The following CST9 variants were observed in gnomAD, a reference collection of about 807,000 sequenced individuals.
CST9 encodes the protein cystatin 9, also known as cystatin-9.
In CST9, 11 loss-of-function variants were observed where a neutral mutation model predicts 7.7. The observed-to-expected ratio is 1.44, with a 90% CI of 0.90 to 2.38. The LOEUF (loss-of-function observed/expected upper bound fraction) is 2.38. Among genes scored for constraint, CST9 ranks in the 30% most tolerant of loss-of-function variants. CST9 has a pLI of 0.00. For missense variants in CST9, 214 were observed against 199.1 expected (o/e 1.07, Z -0.45); for synonymous variants, 71 against 74.3 (o/e 0.96, Z 0.23).
chr20:23,603,660 A>C lies in CST9; in HGVS notation c.330T>G (p.Ile110Met). ...QTVCRKFEDD[I>M]DNCPFQESLE... is the part of the protein sequence containing the mutation. ...GGCTTTCTTGAAAAGGGCAGTTGTCAATGTCATCTTCAAATTTCCTACATA... is the reference window on the plus strand; with the variant it reads ...GGCTTTCTTGAAAAGGGCAGTTGTCCATGTCATCTTCAAATTTCCTACATA... The change falls in exon 2 of 2, where the codon ATT (isoleucine) becomes ATG (methionine). Residue 110 changes from isoleucine to methionine, a missense_variant. By Grantham distance (10) the Ile-to-Met change is conservative. Transcript: ENST00000376971. 6.8e-6 allele frequency: 11 copies of C among 1,614,220 alleles called. No individual in the cohort carries two copies. The highest frequency in any genetic ancestry group is 9.3e-6 in the Non-Finnish European group (11 of 1,180,048).
At chr20:23,605,587 C>T (rs746941020) in intron 1 of CST9, 23 bp downstream of exon 1, 5 of 1,609,656 alleles carry the variant, frequency 3.1e-6, no homozygotes, top group Non-Finnish European at 4.2e-6. Context: ...AAGGACAGGC[C>T]AGAAGAGGAT....
Position 23,603,065 on chromosome 20 carries a change from T to A in CST9, c.*445A>T. On this transcript the variant is annotated 3_prime_UTR_variant, in exon 2 of 2. Coordinates refer to ENST00000376971, the MANE Select transcript of CST9 (RefSeq NM_001008693.3). Reference sequence around the variant, plus strand: ...GCAGTTCCCAGACTTAGGCAATTAGTTACCTATTTGTTAATCTTACAATAA... The same window carrying A: ...GCAGTTCCCAGACTTAGGCAATTAGATACCTATTTGTTAATCTTACAATAA... The A allele has an allele frequency of 9.8e-7, 1 of 1,015,750 alleles. No homozygotes were observed. Among genetic ancestry groups the A allele is most frequent in the South Asian group, 4.1e-5 (1 of 24,180 alleles). The allele number at this position is 1,015,750 out of a possible 1,614,324, so 62.9% of individuals were successfully genotyped here. A position where few individuals can be genotyped will look rare whatever the true frequency, so the allele number is the denominator to read the frequency against.
Position 23,605,745 on chromosome 20 carries a change from T to G in CST9, c.120A>C (p.Lys40Asn). ...CGAGGAACATAGGATCCTGGACTAT[T>G]TTATTATTACCACCCATTTCCTCTT... ...CSEEEMGGNN[K>N]IVQDPMFLAT... The change falls in exon 1 of 2, where the codon AAA becomes AAC. Residue 40 changes from lysine (K) to asparagine (N), a missense_variant. Lys to Asn is a moderately conservative substitution (Grantham distance 94, BLOSUM62 0). Transcript: ENST00000376971. 6.2e-7 allele frequency: 1 copy of G among 1,614,162 alleles called. No homozygotes were observed. Among genetic ancestry groups the G allele is most frequent in the Non-Finnish European group, 8.5e-7 (1 of 1,180,020 alleles).
At position 23,604,414 on chromosome 20, in the gene CST9, T is replaced by C. The variant is rs1028989039; in HGVS notation, c.256-680A>G. On this transcript the variant is annotated intron_variant, in intron 1 of 1. Coordinates refer to ENST00000376971, the MANE Select transcript of CST9 (RefSeq NM_001008693.3). ...TGGGATTGCCATATCCAGGAAGCCA[T>C]GTGGAAAGCTTTTAGGACTTACTGT... 4.6e-5 allele frequency among the ~76,000 whole-genome samples: 7 copies of C among 152,124 alleles called. 1 individual carries two copies. The highest frequency in any genetic ancestry group is 1.4e-4 in the African/African-American group (6 of 41,418).
Position 23,603,816 on chromosome 20 carries a change from G to A in CST9, c.256-82C>T, listed in dbSNP as rs116368727. On this transcript the variant is annotated intron_variant, in intron 1 of 1. Transcript: ENST00000376971. Reference sequence around the variant, plus strand: ...ACTAGTGAAGATGCCATTTGAGTAGGAGAGGCCCCAACACTTTACTGCATT... The same window carrying A: ...ACTAGTGAAGATGCCATTTGAGTAGAAGAGGCCCCAACACTTTACTGCATT... 3.1e-4 allele frequency: 430 copies of A among 1,400,380 alleles called. 3 individuals are homozygous for A. The African/African-American group carries it at 5.3e-3, about 17-fold the overall frequency. The allele number at this position is 1,400,380 out of a possible 1,614,324, so 86.7% of individuals were successfully genotyped here.
At position 23,603,375 on chromosome 20, in the gene CST9, C is replaced by T; in HGVS notation, c.*135G>A. 1.4e-6 allele frequency: 2 copies of T among 1,455,136 alleles called. No homozygotes were observed. The highest frequency in any genetic ancestry group is 2.9e-5 in the South Asian group (2 of 68,266). The allele number at this position is 1,455,136 out of a possible 1,614,324, so 90.1% of individuals were successfully genotyped here. On this transcript the variant is annotated 3_prime_UTR_variant, in exon 2 of 2. Coordinates refer to ENST00000376971, the MANE Select transcript of CST9 (RefSeq NM_001008693.3). The stretch of plus-strand genomic sequence containing the variant: ...GGCCATGTGGCCCAGGTGCAGGCAG[C>T]TGCAATGGTGTCAGAGGGCAGAATC...
At position 23,602,655 on chromosome 20, in the gene CST9, C is replaced by T. The variant is rs968897271; in HGVS notation, c.*855G>A. The T allele has an allele frequency of 1.4e-5, 14 of 982,454 alleles. No individual in the cohort carries two copies. The highest frequency in any genetic ancestry group is 1.6e-5 in the Non-Finnish European group (13 of 827,398). 60.9% of individuals were successfully genotyped at this position (982,454 alleles called of 1,614,324 possible). On this transcript the variant is annotated 3_prime_UTR_variant, in exon 2 of 2. Transcript: ENST00000376971. ...AGAGCCCCTCTGAGCAGGTCTTGTT[C>T]AGGAGTTCAAAATATGTCTTCCAGG...
chr20:23,603,469 T>C lies in CST9; in HGVS notation c.*41A>G, dbSNP rs897265452. On this transcript the variant is annotated 3_prime_UTR_variant, in exon 2 of 2. Coordinates refer to ENST00000376971, the MANE Select transcript of CST9 (RefSeq NM_001008693.3). ...CTTAATGCCTCACTGGGCTTCCCAC[T>C]AAGGCACAAGCAGGGCAGCCTGGTA... 1 of 1,605,180 alleles carries C rather than the reference T, an allele frequency of 6.2e-7. No individual in the cohort carries two copies. Among genetic ancestry groups the C allele is most frequent in the Non-Finnish European group, 8.5e-7 (1 of 1,175,174 alleles).
chr20:23,603,230 T>C lies in CST9; in HGVS notation c.*280A>G. On this transcript the variant is annotated 3_prime_UTR_variant, in exon 2 of 2. Coordinates refer to ENST00000376971, the MANE Select transcript of CST9 (RefSeq NM_001008693.3). The stretch of plus-strand genomic sequence containing the variant: ...TCTCAGCCTCCACCACTTTTGGGTC[T>C]AGGGCAGGGTAGGGAAACCCTGAGA... The C allele has an allele frequency of 1.6e-6, 2 of 1,290,158 alleles. No individual in the cohort carries two copies. The highest frequency in any genetic ancestry group is 1.8e-5 in the South Asian group (1 of 57,132). The allele number at this position is 1,290,158 out of a possible 1,614,324, so 79.9% of individuals were successfully genotyped here.
At position 23,603,361 on chromosome 20, in the gene CST9, C is replaced by T. The variant is rs1040946627; in HGVS notation, c.*149G>A. ...GAGAAGGTTCTGAAGGCCATGTGGC[C>T]CAGGTGCAGGCAGCTGCAATGGTGT... On this transcript the variant is annotated 3_prime_UTR_variant, in exon 2 of 2. Transcript: ENST00000376971. 4.8e-6 allele frequency: 7 copies of T among 1,445,848 alleles called. No individual in the cohort carries two copies. In the African/African-American group the frequency reaches 8.6e-5, roughly 18 times the overall value. 89.6% of individuals were successfully genotyped at this position (1,445,848 alleles called of 1,614,324 possible).
At chr20:23,604,091 C>T (rs760965102) in intron 1 of CST9, among the ~76,000 whole-genome samples, 1 of 152,114 alleles carries the variant, frequency 6.6e-6, no homozygotes, top group East Asian at 1.9e-4. Context: ...GCCACATGTC[C>T]GGGAGGGTGT....
At position 23,603,176 on chromosome 20, in the gene CST9, G is replaced by C; in HGVS notation, c.*334C>G. 1 of 1,136,208 alleles carries C rather than the reference G, an allele frequency of 8.8e-7. No individual in the cohort carries two copies. The highest frequency in any genetic ancestry group is 1.1e-6 in the Non-Finnish European group (1 of 924,800). The allele number at this position is 1,136,208 out of a possible 1,614,324, so 70.4% of individuals were successfully genotyped here. On this transcript the variant is annotated 3_prime_UTR_variant, in exon 2 of 2. Transcript: ENST00000376971. ...TAGAGCAGGTGCTGCAGCTCAGCAG[G>C]GCCTAGGAGCGAGGGCAGTGGGGCT... is the stretch of plus-strand genomic sequence containing the variant.
Position 23,603,569 on chromosome 20 carries a change from C to G in CST9, c.421G>C (p.Gly141Arg). Residue 141 changes from glycine (G) to arginine (R), a missense_variant, in exon 2 of 2, where the codon GGG becomes CGG. By Grantham distance (125) the Gly-to-Arg change is moderately radical. Coordinates refer to ENST00000376971, the MANE Select transcript of CST9 (RefSeq NM_001008693.3). ...GCTGCTCCTGTGCCCACACCACACC[C>G]CATGCAGCATCCACAGCTGTGGACC... ...PQVHSCGCCMGCGVGTGAADK... is the reference protein window; with the variant it reads ...PQVHSCGCCMRCGVGTGAADK... 1 of 1,614,224 alleles carries G rather than the reference C, an allele frequency of 6.2e-7. No individual in the cohort carries two copies. Among genetic ancestry groups the G allele is most frequent in the Admixed American group, 1.7e-5 (1 of 60,028 alleles).
chr20:23,603,625 T>A lies in CST9; in HGVS notation c.365A>T (p.Asn122Ile). Residue 122 changes from asparagine to isoleucine, a missense_variant, in exon 2 of 2, where the codon AAC becomes ATC. Asn to Ile is a moderately radical substitution (Grantham distance 149). Transcript: ENST00000376971. ...NCPFQESLEL[N>I]NVRQGISFPQ... ...AAAGCTGATGCCCTGTCTTACGTTG[T>A]TCAGCTCCAGGCTTTCTTGAAAAGG... 2 of 1,614,228 alleles carry A rather than the reference T, an allele frequency of 1.2e-6. No individual in the cohort carries two copies. The highest frequency in any genetic ancestry group is 1.7e-6 in the Non-Finnish European group (2 of 1,180,038).
chr20:23,603,680 T>A lies in CST9; in HGVS notation c.310A>T (p.Arg104Trp). ...MNLQLRQTVC[R>W]KFEDDIDNCP... is the part of the protein sequence containing the mutation. ...TTGTCAATGTCATCTTCAAATTTCC[T>A]ACATACGGTTTGGCGCAGTTGCAGA... Residue 104 changes from arginine (R) to tryptophan (W), a missense_variant, in exon 2 of 2, where the codon AGG becomes TGG. Transcript: ENST00000376971. 1 of 1,614,232 alleles carries A rather than the reference T, an allele frequency of 6.2e-7. No individual in the cohort carries two copies. The highest frequency in any genetic ancestry group is 8.5e-7 in the Non-Finnish European group (1 of 1,180,046).
intron 1 of CST9, 124 bp downstream of exon 1, chr20:23,605,486 T>G: frequency 9.1e-7 from 1 of 1,103,826 alleles, no homozygotes; most frequent in Non-Finnish European, 1.3e-6. Flanking sequence ...ACTACCGTAA[T>G]TGGTTGTGGA....
At position 23,603,621 on chromosome 20, in the gene CST9, G is replaced by T. The variant is rs369338029; in HGVS notation, c.369C>A (p.Asn123Lys). 4.3e-6 allele frequency: 7 copies of T among 1,614,056 alleles called. No homozygotes were observed. The highest frequency in any genetic ancestry group is 5.9e-6 in the Non-Finnish European group (7 of 1,180,030). ...CPFQESLELN[N>K]VRQGISFPQV... ...GAGGAAAGCTGATGCCCTGTCTTAC[G>T]TTGTTCAGCTCCAGGCTTTCTTGAA... Residue 123 changes from asparagine (N) to lysine (K), a missense_variant, in exon 2 of 2, where the codon AAC (asparagine) becomes AAA (lysine). Physicochemically the swap from Asn to Lys is moderately conservative, Grantham distance 94 (BLOSUM62 0). Coordinates refer to ENST00000376971, the MANE Select transcript of CST9 (RefSeq NM_001008693.3).
In CST9 at chr20:23,603,662, TGTCA is replaced by T; in HGVS notation, c.324_327del (p.Asp108GlufsTer13). ...CTTTCTTGAAAAGGGCAGTTGTCAA[TGTCA>T]TCTTCAAATTTCCTACATACGGTTT... On this transcript the variant is annotated frameshift_variant, in exon 2 of 2. Transcript: ENST00000376971. LOFTEE classifies it low-confidence loss of function (END_TRUNC). 2 of 1,614,248 alleles carry T rather than the reference TGTCA, an allele frequency of 1.2e-6. No individual in the cohort carries two copies. The highest frequency in any genetic ancestry group is 1.7e-6 in the Non-Finnish European group (2 of 1,180,040).
At position 23,602,543 on chromosome 20, in the gene CST9, C is replaced by T. The variant is rs1978640212; in HGVS notation, c.*967G>A. 1 of 211,562 alleles carries T rather than the reference C, an allele frequency of 4.7e-6. No homozygotes were observed. Among genetic ancestry groups the T allele is most frequent in the Admixed American group, 6.5e-5 (1 of 15,342 alleles). The allele number at this position is 211,562 out of a possible 1,614,324, so 13.1% of individuals were successfully genotyped here. ...ACAAATATGCACGGAGCTGCTCAGC[C>T]ACTGATATGTCAACTCCTGGGAACA... is the stretch of plus-strand genomic sequence containing the variant. On this transcript the variant is annotated 3_prime_UTR_variant, in exon 2 of 2. Coordinates refer to ENST00000376971, the MANE Select transcript of CST9 (RefSeq NM_001008693.3).
Sources: allele counts gnomAD v4.1 joint callset (sites outside exome capture counted in the v4.1 genomes callset), GRCh38; gene constraint gnomAD v4.1.1; transcripts MANE v1.5; gene names NCBI Gene and HGNC (gene_info 2026-07-23, HGNC 2026-07-21).